TAB2: variants seen among roughly 807,000 people sequenced by gnomAD.
TAB2 encodes the protein TGF-beta-activated kinase 1 and MAP3K7-binding protein 2.
Under a neutral mutation model 65.0 loss-of-function variants are expected in TAB2, and 3 were observed. That is an observed-to-expected ratio of 0.05 (90% CI 0.02 to 0.12). TAB2 has a LOEUF of 0.12. Among genes scored for constraint, TAB2 ranks in the 10% least tolerant of loss-of-function variants. TAB2 has a pLI of 1.00. For synonymous variants in TAB2, 298 were observed against 285.1 expected (o/e 1.05, Z -0.46); for missense variants, 623 against 840.3 (o/e 0.74, Z 3.20).
At chr6:149,280,906 T>C (rs1467772755) in intron 1 of TAB2, among the ~76,000 whole-genome samples, 2 of 130,874 alleles carry the variant, frequency 1.5e-5, no homozygotes, top group Admixed American at 9.0e-5. Flanking sequence ...CACTCCAGCA[T>C]AGGTGACAGA....
At chr6:149,351,809 A>G (rs1019004402) in intron 1 of TAB2, among the ~76,000 whole-genome samples, 1 of 152,200 alleles carries the variant, frequency 6.6e-6, no homozygotes, top group Non-Finnish European at 1.5e-5. Context: ...TTATATCATA[A>G]TTGTCTCATC....
chr6:149,227,158 C>T (rs571229828), intron 1 of TAB2, among the ~76,000 whole-genome samples: 15 of 152,188 alleles, frequency 9.9e-5, no homozygotes, highest in South Asian at 2.1e-4. Context: ...AATATTAAAA[C>T]GAGAGATTTT....
intron 1 of TAB2, among the ~76,000 whole-genome samples, chr6:149,275,054 A>T (rs967831745): frequency 6.6e-5 from 10 of 151,914 alleles, no homozygotes; most frequent in Non-Finnish European, 1.5e-4. Flanking sequence ...GAAGAAAACA[A>T]AGAACTGGAG....
chr6:149,383,253 T>C (rs565270818), intron 3 of TAB2, among the ~76,000 whole-genome samples: 1 of 152,222 alleles, frequency 6.6e-6, no homozygotes, highest in South Asian at 2.1e-4. Flanking sequence ...CACCTGAAAG[T>C]AAAAATAAAA....
chr6:149,263,862 G>C (rs557804053), intron 1 of TAB2, among the ~76,000 whole-genome samples: 1 of 152,342 alleles, frequency 6.6e-6, no homozygotes, highest in Admixed American at 6.5e-5. Flanking sequence ...TCTGTAGGCT[G>C]CCTAGTAGGC....
chr6:149,224,757 A>G (rs370897514), intron 1 of TAB2, among the ~76,000 whole-genome samples: 6 of 152,216 alleles, frequency 3.9e-5, no homozygotes, highest in Admixed American at 1.3e-4. Flanking sequence ...TTCCCTTTTC[A>G]ACTCGTAGTT....
At chr6:149,373,104 T>C (rs1002528645) in intron 2 of TAB2, among the ~76,000 whole-genome samples, 5 of 152,364 alleles carry the variant, frequency 3.3e-5, no homozygotes, top group African/African-American at 1.2e-4. Context: ...ACTACTCATA[T>C]CTTTTCCTTC....
intron 1 of TAB2, among the ~76,000 whole-genome samples, chr6:149,281,505 T>G (rs1778572205): frequency 7.8e-6 from 1 of 127,638 alleles, no homozygotes; most frequent in South Asian, 2.3e-4. Flanking sequence ...GAGGATCACT[T>G]GAATCCAGGA....
chr6:149,257,265 C>G (rs1778056891), intron 1 of TAB2: 2 of 152,172 alleles, frequency 1.3e-5, no homozygotes, highest in African/African-American at 2.4e-5. Context: ...AATACATGCA[C>G]TCAGGAGGAT....
chr6:149,258,475 T>C (rs1322212199), intron 1 of TAB2, among the ~76,000 whole-genome samples: 5 of 151,778 alleles, frequency 3.3e-5, no homozygotes, highest in Non-Finnish European at 7.4e-5. Context: ...AATACACTTT[T>C]ACTTTTGTAT....
chr6:149,231,220 G>A (rs1350645941), intron 1 of TAB2, among the ~76,000 whole-genome samples: 1 of 152,212 alleles, frequency 6.6e-6, no homozygotes, highest in Non-Finnish European at 1.5e-5. Context: ...TGTGGACAAT[G>A]ATTCCATTTT....
At chr6:149,289,470 A>G (rs560047946) in intron 1 of TAB2, among the ~76,000 whole-genome samples, 1 of 152,190 alleles carries the variant, frequency 6.6e-6, no homozygotes, top group South Asian at 2.1e-4. Flanking sequence ...TTAAAGCCAG[A>G]GACTGTGAGT....
At chr6:149,265,846 G>T (rs940978202) in intron 1 of TAB2, among the ~76,000 whole-genome samples, 1 of 152,068 alleles carries the variant, frequency 6.6e-6, no homozygotes, top group African/African-American at 2.4e-5. Context: ...GTCACCCACC[G>T]CAGGTCCCAC....
rs1372245513 is a variant in TAB2 at position 149,317,754 on chromosome 6, C to T, written c.-351C>T. On this transcript the variant is annotated 5_prime_UTR_variant, in exon 1 of 7. Coordinates refer to ENST00000637181, the MANE Select transcript of TAB2 (RefSeq NM_001292034.3). This position sits in a 1 kb window ranked among gnomAD's most constrained non-coding sequence, Gnocchi z 4.7. Reference sequence around the variant, plus strand: ...GCAGCCGCCGGCGGGGCGACCCAGCCCGACCCCCTCCCCTCCCCCTCAGCC... The same window carrying T: ...GCAGCCGCCGGCGGGGCGACCCAGCTCGACCCCCTCCCCTCCCCCTCAGCC... 1 of 161,754 alleles carries T rather than the reference C, an allele frequency of 6.2e-6. No individual in the cohort carries two copies. Among genetic ancestry groups the T allele is most frequent in the African/African-American group, 2.4e-5 (1 of 41,404 alleles). The allele number at this position is 161,754 out of a possible 1,614,324, so 10.0% of individuals were successfully genotyped here.
At chr6:149,237,928 C>T (rs965702621) in intron 1 of TAB2, among the ~76,000 whole-genome samples, 1 of 152,176 alleles carries the variant, frequency 6.6e-6, no homozygotes, top group Non-Finnish European at 1.5e-5. Context: ...TTTGTTTCTC[C>T]GTGAAGCTTT....
chr6:149,282,189 G>C (rs1379735787), intron 1 of TAB2, among the ~76,000 whole-genome samples: 1 of 151,932 alleles, frequency 6.6e-6, no homozygotes, highest in South Asian at 2.1e-4. Flanking sequence ...CATTTTATAT[G>C]ATAAAGTTGT....
At chr6:149,363,900 TG>T (rs1780947027) in intron 1 of TAB2, among the ~76,000 whole-genome samples, 1 of 152,214 alleles carries the variant, frequency 6.6e-6, no homozygotes. Flanking sequence ...TCTCTTTGTT[TG>T]TGCTCTTTGA....
rs560433646 is a variant in TAB2 at position 149,226,155 on chromosome 6, C to T, written c.-121+7379C>T. Reference sequence around the variant, plus strand: ...TCAGTGAGAATGAATGAGAGGATCCCGCTCCCTAGCCATCCAGGGTGGAGA... The same window carrying T: ...TCAGTGAGAATGAATGAGAGGATCCTGCTCCCTAGCCATCCAGGGTGGAGA... On this transcript the variant is annotated intron_variant, in intron 1 of 1. Coordinates refer to the TAB2 transcript ENST00000606202. Among the ~76,000 whole-genome samples the T allele has an allele frequency of 1.4e-4, 22 of 152,156 alleles. No homozygotes were observed. In the South Asian group the frequency reaches 4.2e-3, roughly 29 times the overall value.
chr6:149,234,580 C>G (rs556294824), intron 1 of TAB2, among the ~76,000 whole-genome samples: 1 of 152,114 alleles, frequency 6.6e-6, no homozygotes, highest in Non-Finnish European at 1.5e-5. Flanking sequence ...CACCTCCTGC[C>G]GCATGTACCT....
Sources: gnomAD v4.1 joint callset for allele counts (sites outside exome capture counted in the v4.1 genomes callset) on GRCh38, gnomAD v4.1.1 for gene constraint, Gnocchi (gnomAD v3.1) non-coding constraint, MANE v1.5 for transcripts, NCBI Gene and HGNC (gene_info 2026-07-23, HGNC 2026-07-21) for gene names.